MKLN1: variants seen among roughly 807,000 people sequenced by gnomAD.
The protein encoded by MKLN1 is muskelin 1, also known as muskelin.
Under a neutral mutation model 99.0 loss-of-function variants are expected in MKLN1, and 18 were observed. The ratio of observed to expected loss-of-function variants is 0.18; its 90% CI spans 0.13 to 0.27. The LOEUF (loss-of-function observed/expected upper bound fraction) is 0.27, where lower values mean the gene tolerates loss of function less well. Among genes scored for constraint, MKLN1 ranks in the 10% least tolerant of loss-of-function variants. The probability of loss-of-function intolerance (pLI) is 1.00; values close to 1 mark genes in which losing one functional copy is unlikely to be tolerated. For missense variants in MKLN1, 621 were observed against 875.9 expected (o/e 0.71, Z 3.67); for synonymous variants, 288 against 293.2 (o/e 0.98, Z 0.18).
intron 1 of MKLN1, among the ~76,000 whole-genome samples, chr7:131,355,937 A>G (rs1402645915): frequency 6.6e-6 from 1 of 151,888 alleles, no homozygotes; most frequent in Non-Finnish European, 1.5e-5. Context: ...TCTAATTTGT[A>G]TGCTTTGTAA....
rs547362122 is a variant in MKLN1 at position 131,192,108 on chromosome 7, ATT to A, written c.-296-10748_-296-10747del. 3.9e-3 allele frequency among the ~76,000 whole-genome samples: 307 copies of A among 79,460 alleles called. 37 individuals carry two copies. Among genetic ancestry groups the A allele is most frequent in the African/African-American group, 0.016 (276 of 16,902 alleles). 52.1% of individuals were successfully genotyped at this position (79,460 alleles called of 152,430 possible). On this transcript the variant is annotated intron_variant, in intron 2 of 7. Transcript: ENST00000416992. The stretch of plus-strand genomic sequence containing the variant: ...ATATTATATATATATGTATATATAT[ATT>A]ATATATATACGTATATATATAAAAA...
At chr7:131,472,588 GTGTGTA>G (rs1352546384) in intron 16 of MKLN1, among the ~76,000 whole-genome samples, 5 of 41,840 alleles carry the variant, frequency 1.2e-4, no homozygotes, top group East Asian at 7.7e-4. Flanking sequence ...AAATGTTGAA[GTGTGTA>G]TGTGTGTGTG....
intron 2 of MKLN1, among the ~76,000 whole-genome samples, chr7:131,153,632 T>C (rs1338366235): frequency 6.6e-6 from 1 of 151,350 alleles, no homozygotes; most frequent in Non-Finnish European, 1.5e-5. Context: ...ATGGAGTCTG[T>C]GTAGCTACAA....
chr7:131,295,073 A>T (rs913943383), intron 3 of MKLN1, among the ~76,000 whole-genome samples: 1 of 152,238 alleles, frequency 6.6e-6, no homozygotes. Context: ...GGGGAATTCA[A>T]ATCAAGCTCT....
chr7:131,219,830 G>A (rs1797035339), intron 3 of MKLN1, among the ~76,000 whole-genome samples: 1 of 151,940 alleles, frequency 6.6e-6, no homozygotes, highest in African/African-American at 2.4e-5. Flanking sequence ...AAAATAGAGA[G>A]ACAAAAAAAG....
chr7:131,165,481 G>A (rs910110054), intron 2 of MKLN1, among the ~76,000 whole-genome samples: 1 of 152,186 alleles, frequency 6.6e-6, no homozygotes, highest in Non-Finnish European at 1.5e-5. Context: ...CACCACGCCC[G>A]GCCCAAGGGA....
intron 9 of MKLN1, among the ~76,000 whole-genome samples, chr7:131,431,143 A>T (rs1584735377): frequency 6.6e-6 from 1 of 151,544 alleles, no homozygotes. Context: ...AATCCCTTGA[A>T]CCCAGGAGGC....
chr7:131,236,400 C>T (rs1797321445), intron 3 of MKLN1, among the ~76,000 whole-genome samples: 2 of 152,184 alleles, frequency 1.3e-5, no homozygotes, highest in Non-Finnish European at 2.9e-5. Flanking sequence ...GTGGCTCACG[C>T]CTGTAATCTC....
rs1434072023 is a variant in MKLN1 at position 131,490,620 on chromosome 7, A to T, written c.*2892A>T. ...TTATCAAGGCCATCTTTTAGACCTG[A>T]TTTTCATTTATATGAAAACAGACCT... On this transcript the variant is annotated 3_prime_UTR_variant, in exon 18 of 18. Coordinates refer to ENST00000352689, the MANE Select transcript of MKLN1 (RefSeq NM_013255.5). 1 of 152,526 alleles carries T rather than the reference A, an allele frequency of 6.6e-6. No individual in the cohort carries two copies. Among genetic ancestry groups the T allele is most frequent in the Non-Finnish European group, 1.5e-5 (1 of 67,990 alleles). 9.4% of individuals were successfully genotyped at this position (152,526 alleles called of 1,614,324 possible). A position where few individuals can be genotyped will look rare whatever the true frequency, so the allele number is the denominator to read the frequency against.
intron 3 of MKLN1, among the ~76,000 whole-genome samples, chr7:131,216,419 A>AG (rs1796982345): frequency 9.0e-6 from 1 of 110,966 alleles, no homozygotes; most frequent in African/African-American, 3.2e-5. Flanking sequence ...TGAGTCTCTG[A>AG]CTCAAAAAAA....
chr7:131,161,543 A>G (rs1406747537), intron 2 of MKLN1, among the ~76,000 whole-genome samples: 2 of 152,068 alleles, frequency 1.3e-5, no homozygotes, highest in Non-Finnish European at 2.9e-5. Context: ...TGATACAGGT[A>G]TTCTTTTTTT....
chr7:131,153,993 G>A (rs1795929112), intron 2 of MKLN1, among the ~76,000 whole-genome samples: 2 of 151,890 alleles, frequency 1.3e-5, no homozygotes, highest in South Asian at 4.2e-4. Context: ...TATTTATTAT[G>A]GATTGATCTG....
chr7:131,206,217 T>C (rs1796808097), intron 3 of MKLN1, among the ~76,000 whole-genome samples: 1 of 152,186 alleles, frequency 6.6e-6, no homozygotes, highest in Non-Finnish European at 1.5e-5. Flanking sequence ...GACTCACTGG[T>C]TTGGGCCAAG....
intron 3 of MKLN1, among the ~76,000 whole-genome samples, chr7:131,275,594 G>A (rs1266643381): frequency 4.0e-5 from 1 of 25,016 alleles, no homozygotes; most frequent in African/African-American, 1.1e-4. Flanking sequence ...TTTTTTTTTG[G>A]TACTTTTTTG....
chr7:131,390,252 A>G (rs1012667378), intron 4 of MKLN1, among the ~76,000 whole-genome samples: 1 of 152,224 alleles, frequency 6.6e-6, no homozygotes, highest in Non-Finnish European at 1.5e-5. Context: ...ATACTTATAA[A>G]TTAAAACCTA....
chr7:131,149,986 T>TC lies in MKLN1; in HGVS notation c.-297+7048dup, dbSNP rs1164381859. On this transcript the variant is annotated intron_variant, in intron 2 of 7. Transcript: ENST00000416992. ...GCTTTGCTGCTGTGAAGAACAGACT[T>TC]CCCTCTTCCTTCTCCTTTAAGTTGG... 3.9e-5 allele frequency among the ~76,000 whole-genome samples: 6 copies of TC among 152,272 alleles called. No individual in the cohort carries two copies. In the East Asian group the frequency reaches 5.8e-4, roughly 15 times the overall value.
intron 2 of MKLN1, among the ~76,000 whole-genome samples, chr7:131,145,597 T>C (rs1795805320): frequency 6.6e-6 from 1 of 152,172 alleles, no homozygotes; most frequent in African/African-American, 2.4e-5. Flanking sequence ...CACAGAGTTA[T>C]TCAGAAATAA....
rs112475916 is a variant in MKLN1, at chr7:131,464,215, ATGCAGTTAATTTGCTTGC to A, written c.1674-77_1674-60del. 0.011 allele frequency: 8,229 copies of A among 737,148 alleles called. 407 individuals carry two copies. In the African/African-American group the frequency reaches 0.12, roughly 11 times the overall value. The allele number at this position is 737,148 out of a possible 1,614,324, so 45.7% of individuals were successfully genotyped here. A position where few individuals can be genotyped will look rare whatever the true frequency, so the allele number is the denominator to read the frequency against. ...TAAAATTTTTTGTTAGTAATTAGACATGCAGTTAATTTGCTTGCTACAGTTGTATTATCTTTGCTGCTA... is the reference window on the plus strand; with the variant it reads ...TAAAATTTTTTGTTAGTAATTAGACATACAGTTGTATTATCTTTGCTGCTA... On this transcript the variant is annotated intron_variant, in intron 13 of 17. Transcript: ENST00000352689.
chr7:131,242,383 A>T (rs1256234994), intron 3 of MKLN1, among the ~76,000 whole-genome samples: 1 of 152,056 alleles, frequency 6.6e-6, no homozygotes, highest in Non-Finnish European at 1.5e-5. Context: ...AAAAATTTTA[A>T]AAATTAGCTG....
Sources: gnomAD v4.1 joint callset for allele counts (sites outside exome capture counted in the v4.1 genomes callset) on GRCh38, gnomAD v4.1.1 for gene constraint, MANE v1.5 for transcripts, NCBI Gene and HGNC (gene_info 2026-07-23, HGNC 2026-07-21) for gene names.